Variants in SEPTIN7 observed in about 807,000 individuals in gnomAD.
The protein encoded by SEPTIN7 is septin-7.
SEPTIN7 carries 10 observed loss-of-function variants against 63.3 expected under a neutral mutation model. That is an observed-to-expected ratio of 0.16 (90% CI 0.10 to 0.27). SEPTIN7 has a LOEUF of 0.27. Among genes scored for constraint, SEPTIN7 ranks in the 10% least tolerant of loss-of-function variants. SEPTIN7 has a pLI of 1.00. For synonymous variants in SEPTIN7, 131 were observed against 165.3 expected, an observed-to-expected ratio of 0.79 and a Z score of 1.59; for missense variants, 310 against 521.0, an observed-to-expected ratio of 0.59 and a Z score of 3.94.
chr7:35,806,032 A>G (rs1788316217), intron 1 of SEPTIN7, among the ~76,000 whole-genome samples: 1 of 152,216 alleles, frequency 6.6e-6, no homozygotes, highest in South Asian at 2.1e-4. Context: ...CATCGTGCTA[A>G]GATGCCAGCA....
At chr7:35,910,319 C>G (rs898863960), downstream of SEPTIN7, among the ~76,000 whole-genome samples, 1 of 152,192 alleles carries the variant, frequency 6.6e-6, no homozygotes, top group East Asian at 1.9e-4. Context: ...TCTTATTTGG[C>G]AAACCCATTT....
chr7:35,849,661 TTTC>T (rs1214774131), intron 3 of SEPTIN7, among the ~76,000 whole-genome samples: 4 of 152,206 alleles, frequency 2.6e-5, no homozygotes, highest in Admixed American at 2.0e-4. Flanking sequence ...TGTGGTATCT[TTTC>T]TTCATTTTAC....
intron 10 of SEPTIN7, among the ~76,000 whole-genome samples, chr7:35,889,568 G>T (rs1028233106): frequency 2.6e-5 from 4 of 151,814 alleles, no homozygotes; most frequent in African/African-American, 7.3e-5. Context: ...TTTTTAAGAC[G>T]GTCTCTTGCT....
chr7:35,882,333 T>C (rs1786935391), intron 7 of SEPTIN7, 151 bp from the exon 8 acceptor site: 2 of 475,600 alleles, frequency 4.2e-6, no homozygotes, highest in South Asian at 7.7e-5. Flanking sequence ...CGTAGTACTT[T>C]AATTTTAGAT....
intron 4 of SEPTIN7, among the ~76,000 whole-genome samples, chr7:35,869,123 A>G (rs13225904): frequency 0.33 from 49,542 of 151,924 alleles, 8,319 homozygotes; most frequent in East Asian, 0.4. Flanking sequence ...AGGGAAAGAA[A>G]TAAAGGTTTT....
At chr7:35,806,141 A>G (rs1278394637) in intron 1 of SEPTIN7, among the ~76,000 whole-genome samples, 1 of 152,204 alleles carries the variant, frequency 6.6e-6, no homozygotes, top group South Asian at 2.1e-4. Flanking sequence ...GAACCACTGC[A>G]CTAGGTGATG....
chr7:35,839,321 T>C (rs2541306), intron 3 of SEPTIN7, among the ~76,000 whole-genome samples: 78,980 of 152,110 alleles, frequency 0.52, 23,670 homozygotes, highest in African/African-American at 0.84. Context: ...TTGACCACTG[T>C]GTAATGTTTC....
chr7:35,811,553 A>T (rs938971625), intron 1 of SEPTIN7, among the ~76,000 whole-genome samples: 3 of 152,202 alleles, frequency 2.0e-5, no homozygotes, highest in Non-Finnish European at 2.9e-5. Flanking sequence ...TGGAGACTCT[A>T]TAACTCACTA....
chr7:35,801,241 A>G lies in SEPTIN7; in HGVS notation c.32A>G (p.Glu11Gly). 1.1e-5 allele frequency: 17 copies of G among 1,535,082 alleles called. No individual in the cohort carries two copies. Among genetic ancestry groups the G allele is most frequent in the Non-Finnish European group, 1.4e-5 (16 of 1,142,226 alleles). MSVSARSAAAEERSVNSSTMV... is the reference protein window; with the variant it reads MSVSARSAAAGERSVNSSTMV... Reference sequence around the variant, plus strand: ...GTCAGTGCGAGATCCGCTGCTGCTGAGGAGAGGAGCGTCAACAGCAGCACC... The same window carrying G: ...GTCAGTGCGAGATCCGCTGCTGCTGGGGAGAGGAGCGTCAACAGCAGCACC... Residue 11 changes from glutamate to glycine, a missense_variant, in exon 1 of 14, where the codon GAG becomes GGG. By Grantham distance (98) the Glu-to-Gly change is moderately conservative. Coordinates refer to ENST00000350320, the MANE Select transcript of SEPTIN7 (RefSeq NM_001788.6).
At chr7:35,846,914 G>A (rs898267774) in intron 3 of SEPTIN7, 1 of 152,184 alleles carries the variant, frequency 6.6e-6, no homozygotes, top group African/African-American at 2.4e-5. Flanking sequence ...GCAGAAAGGT[G>A]AACACAGATC....
intron 3 of SEPTIN7, among the ~76,000 whole-genome samples, chr7:35,843,141 C>T (rs374772723): frequency 7.2e-5 from 11 of 152,256 alleles, no homozygotes; most frequent in African/African-American, 2.4e-4. Flanking sequence ...AGGTTCTTCC[C>T]TTTCTTCTCT....
Position 35,882,595 on chromosome 7 carries a change from A to T in SEPTIN7, c.723+19A>T. The T allele has an allele frequency of 2.9e-6, 4 of 1,378,688 alleles. No individual in the cohort carries two copies. The highest frequency in any genetic ancestry group is 3.8e-6 in the Non-Finnish European group (4 of 1,057,310). The allele number at this position is 1,378,688 out of a possible 1,614,324, so 85.4% of individuals were successfully genotyped here. On this transcript the variant is annotated intron_variant, in intron 8 of 13. Coordinates refer to ENST00000350320, the MANE Select transcript of SEPTIN7 (RefSeq NM_001788.6). ...GATAAAGGTAGGTTCATCCCTGTAC[A>T]CACGCTAAAGTAATCTGAGGCCTTA...
At position 35,905,096 on chromosome 7, in the gene SEPTIN7, A is replaced by G. The variant is rs1218134428; in HGVS notation, c.*803A>G. 1 of 152,610 alleles carries G rather than the reference A, an allele frequency of 6.6e-6. No homozygotes were observed. Among genetic ancestry groups the G allele is most frequent in the East Asian group, 1.9e-4 (1 of 5,192 alleles). 9.5% of individuals were successfully genotyped at this position (152,610 alleles called of 1,614,324 possible). ...TGGTAAGTAGCAGGGGGGGAAATGC[A>G]TTTATAGATCATTTCTAGGCAAAAT... On this transcript the variant is annotated 3_prime_UTR_variant, in exon 14 of 14. Coordinates refer to ENST00000350320, the MANE Select transcript of SEPTIN7 (RefSeq NM_001788.6).
At chr7:35,882,841 T>G (rs1259158198) in intron 8 of SEPTIN7, among the ~76,000 whole-genome samples, 2 of 152,068 alleles carry the variant, frequency 1.3e-5, no homozygotes, top group African/African-American at 4.8e-5. Flanking sequence ...TTATGTAATT[T>G]TTTTCTCTTA....
chr7:35,825,387 C>G (rs1220972977), intron 1 of SEPTIN7, among the ~76,000 whole-genome samples: 1 of 152,132 alleles, frequency 6.6e-6, no homozygotes, highest in Non-Finnish European at 1.5e-5. Flanking sequence ...ATACGCTCTT[C>G]TTGCTTTTGG....
At chr7:35,822,507 A>G (rs1269624849) in intron 1 of SEPTIN7, among the ~76,000 whole-genome samples, 1 of 152,084 alleles carries the variant, frequency 6.6e-6, no homozygotes, top group Non-Finnish European at 1.5e-5. Context: ...AATAGGGTTC[A>G]CTCTCCAATG....
intron 10 of SEPTIN7, among the ~76,000 whole-genome samples, chr7:35,887,234 T>C (rs1583627169): frequency 6.6e-6 from 1 of 152,264 alleles, no homozygotes; most frequent in African/African-American, 2.4e-5. Context: ...TCTATGGTAC[T>C]TGCCTAGTGC....
chr7:35,817,269 A>G (rs549812541), intron 1 of SEPTIN7, among the ~76,000 whole-genome samples: 2 of 152,180 alleles, frequency 1.3e-5, no homozygotes, highest in East Asian at 3.9e-4. Context: ...GTATGTGGCT[A>G]TCCAGTAGTT....
intron 6 of SEPTIN7, 138 bp from the exon 7 acceptor site, chr7:35,879,685 G>T: frequency 1.6e-6 from 1 of 606,852 alleles, no homozygotes. Flanking sequence ...CCTAACTTTT[G>T]CTGGCCTAAT....
Sources: allele counts gnomAD v4.1 joint callset (sites outside exome capture counted in the v4.1 genomes callset), GRCh38; gene constraint gnomAD v4.1.1; transcripts MANE v1.5; gene names NCBI Gene and HGNC (gene_info 2026-07-23, HGNC 2026-07-21).